Variants in FBXO15 observed in about 807,000 individuals in gnomAD.
The protein encoded by FBXO15 is F-box protein 15, also known as F-box only protein 15.
Under a neutral mutation model 49.5 loss-of-function variants are expected in FBXO15, and 30 were observed. That is an observed-to-expected ratio of 0.61 (90% CI 0.45 to 0.82). The LOEUF is 0.82. FBXO15 is among the 40% of genes least tolerant of loss of function. The probability of loss-of-function intolerance (pLI) is 0.00; values close to 1 mark genes in which losing one functional copy is unlikely to be tolerated. For synonymous variants in FBXO15, 250 were observed against 232.7 expected (o/e 1.07, Z -0.68); for missense variants, 591 against 631.5 (o/e 0.94, Z 0.69).
chr18:74,124,257 C>A (rs1914605013), intron 7 of FBXO15, among the ~76,000 whole-genome samples: 1 of 152,214 alleles, frequency 6.6e-6, no homozygotes, highest in Admixed American at 6.5e-5. Context: ...CCTACCCATA[C>A]AAATAACAAC....
At chr18:74,138,006 C>T (rs1599189917) in intron 2 of FBXO15, among the ~76,000 whole-genome samples, 3 of 152,046 alleles carry the variant, frequency 2.0e-5, no homozygotes, top group East Asian at 1.9e-4. Flanking sequence ...GCTCTAGGTC[C>T]CCACGGTTTC....
chr18:74,132,470 G>A (rs886336338), intron 3 of FBXO15, among the ~76,000 whole-genome samples: 2 of 152,224 alleles, frequency 1.3e-5, no homozygotes, highest in Non-Finnish European at 2.9e-5. Flanking sequence ...TCCACATGCA[G>A]TGAGTAACCA....
At chr18:74,121,576 C>T (rs967621680) in intron 8 of FBXO15, among the ~76,000 whole-genome samples, 5 of 152,088 alleles carry the variant, frequency 3.3e-5, no homozygotes, top group African/African-American at 7.2e-5. Flanking sequence ...TGCCAACAAA[C>T]GCGAGAAAAC....
chr18:74,141,873 G>T (rs8096196), intron 1 of FBXO15, among the ~76,000 whole-genome samples: 13,372 of 152,178 alleles, frequency 0.088, 1,091 homozygotes, highest in African/African-American at 0.21. Context: ...CCAGGCACAA[G>T]TCTCCACATG....
chr18:74,093,880 C>A (rs1913162739), intron 8 of FBXO15, among the ~76,000 whole-genome samples: 1 of 152,118 alleles, frequency 6.6e-6, no homozygotes, highest in African/African-American at 2.4e-5. Flanking sequence ...TTGCCCAGAT[C>A]CATCAAATGA....
chr18:74,135,478 G>A (rs1014180751), intron 3 of FBXO15, among the ~76,000 whole-genome samples: 1 of 152,158 alleles, frequency 6.6e-6, no homozygotes, highest in Non-Finnish European at 1.5e-5. Flanking sequence ...TGATTCTGTG[G>A]GGAATACAGC....
chr18:74,131,678 A>G (rs151317319), intron 3 of FBXO15, among the ~76,000 whole-genome samples: 1 of 152,270 alleles, frequency 6.6e-6, no homozygotes, highest in African/African-American at 2.4e-5. Flanking sequence ...AGACACAGGG[A>G]AAACTGAGGC....
chr18:74,110,599 A>G (rs962273403), intron 8 of FBXO15, among the ~76,000 whole-genome samples: 1 of 152,120 alleles, frequency 6.6e-6, no homozygotes, highest in African/African-American at 2.4e-5. Context: ...TAAATATACC[A>G]ATTAAGAGAC....
intron 9 of FBXO15, among the ~76,000 whole-genome samples, chr18:74,077,943 C>CA (rs1568153737): frequency 2.6e-5 from 4 of 152,158 alleles, no homozygotes; most frequent in Admixed American, 6.5e-5. Flanking sequence ...ACCAAACCCA[C>CA]CAGCATAGAG....
intron 8 of FBXO15, chr18:74,123,061 G>C (rs17088791): frequency 0.091 from 21,392 of 234,532 alleles, 1,344 homozygotes; most frequent in Admixed American, 0.2. Context: ...AAGAAGGGAA[G>C]AAGTCTGGGG....
chr18:74,125,850 G>T, intron 6 of FBXO15, 125 bp downstream of exon 6: 2 of 1,319,546 alleles, frequency 1.5e-6, no homozygotes, highest in Non-Finnish European at 2.1e-6. Context: ...TTGGTGAGAT[G>T]GTAAAATGGA....
chr18:74,102,538 T>C (rs1255215500), intron 8 of FBXO15, among the ~76,000 whole-genome samples: 1 of 152,040 alleles, frequency 6.6e-6, no homozygotes, highest in Non-Finnish European at 1.5e-5. Flanking sequence ...CTGTGGAAAA[T>C]AGTGTGGAGA....
intron 2 of FBXO15, among the ~76,000 whole-genome samples, chr18:74,137,886 G>A (rs1978818977): frequency 6.6e-6 from 1 of 152,172 alleles, no homozygotes; most frequent in Non-Finnish European, 1.5e-5. Context: ...ATGTGAACAC[G>A]TCCTTGTCCC....
intron 8 of FBXO15, among the ~76,000 whole-genome samples, chr18:74,114,863 T>C (rs1353303036): frequency 1.3e-5 from 2 of 152,110 alleles, no homozygotes; most frequent in Admixed American, 1.3e-4. Flanking sequence ...TCCCAGTTCC[T>C]TGGAGGAGGA....
intron 9 of FBXO15, among the ~76,000 whole-genome samples, chr18:74,079,095 T>C (rs549794288): frequency 1.1e-4 from 17 of 152,266 alleles, no homozygotes; most frequent in Admixed American, 8.5e-4. Flanking sequence ...AAATAAAAAT[T>C]GATGCCAATC....
intron 8 of FBXO15, among the ~76,000 whole-genome samples, chr18:74,102,451 A>G (rs1913565597): frequency 6.6e-6 from 1 of 152,190 alleles, no homozygotes; most frequent in African/African-American, 2.4e-5. Context: ...AAATCAAAAC[A>G]TAACAGATGC....
At chr18:74,122,377 T>C (rs1043136942) in intron 8 of FBXO15, among the ~76,000 whole-genome samples, 4 of 152,188 alleles carry the variant, frequency 2.6e-5, no homozygotes, top group African/African-American at 9.7e-5. Context: ...CATCTGAAAA[T>C]TGGCAGTTAA....
At chr18:74,124,102 CA>C (rs1914595149) in intron 7 of FBXO15, among the ~76,000 whole-genome samples, 1 of 152,158 alleles carries the variant, frequency 6.6e-6, no homozygotes, top group Non-Finnish European at 1.5e-5. Context: ...CATTAAAAGA[CA>C]CACACTGTCC....
chr18:74,116,804 A>C (rs779618287), intron 8 of FBXO15, among the ~76,000 whole-genome samples: 1 of 152,138 alleles, frequency 6.6e-6, no homozygotes, highest in Non-Finnish European at 1.5e-5. Flanking sequence ...CATGTCCTGC[A>C]TTCAATAACG....
Sources: allele counts gnomAD v4.1 joint callset (sites outside exome capture counted in the v4.1 genomes callset), GRCh38; gene constraint gnomAD v4.1.1; transcripts MANE v1.5; gene names NCBI Gene and HGNC (gene_info 2026-07-23, HGNC 2026-07-21).